Variants in CACNB2 observed in about 807,000 individuals in gnomAD.
CACNB2 encodes the protein voltage-dependent L-type calcium channel subunit beta-2.
CACNB2 carries 42 observed loss-of-function variants against 73.3 expected under a neutral mutation model. The observed-to-expected ratio is 0.57, with a 90% confidence interval of 0.45 to 0.74. The LOEUF (loss-of-function observed/expected upper bound fraction) is 0.74. CACNB2 is among the 30% of genes least tolerant of loss of function. CACNB2 has a pLI of 0.00. For synonymous variants in CACNB2, 348 were observed against 310.3 expected, an observed-to-expected ratio of 1.12 and a Z score of -1.28; for missense variants, 940 against 853.0, an observed-to-expected ratio of 1.10 and a Z score of -1.27.
chr10:18,528,230 G>C (rs2052666483), intron 10 of CACNB2, among the ~76,000 whole-genome samples: 1 of 152,076 alleles, frequency 6.6e-6, no homozygotes, highest in Non-Finnish European at 1.5e-5. Context: ...TCAATTCCTG[G>C]CTATATTTAT....
chr10:18,485,404 A>G (rs1246774081), intron 3 of CACNB2, among the ~76,000 whole-genome samples: 2 of 152,112 alleles, frequency 1.3e-5, no homozygotes, highest in Admixed American at 6.5e-5. Flanking sequence ...TGCTTCCTAT[A>G]TAAGACTTGA....
At chr10:18,316,448 CT>C (rs201701984) in intron 2 of CACNB2, among the ~76,000 whole-genome samples, 11 of 135,370 alleles carry the variant, frequency 8.1e-5, no homozygotes, top group African/African-American at 3.0e-4. Flanking sequence ...AAAGGTCTTT[CT>C]TTTTTTCTTC....
chr10:18,378,728 G>A (rs111289622), intron 2 of CACNB2, among the ~76,000 whole-genome samples: 4,543 of 152,158 alleles, frequency 0.03, 93 homozygotes, highest in African/African-American at 0.048. Context: ...TCCAGTCTGG[G>A]GAAACCCTGT....
At chr10:18,172,730 A>C (rs1473978733) in intron 2 of CACNB2, among the ~76,000 whole-genome samples, 1 of 151,980 alleles carries the variant, frequency 6.6e-6, no homozygotes, top group African/African-American at 2.4e-5. Context: ...TGGTGTAGCT[A>C]ATGGACAAGT....
At chr10:18,259,325 G>A (rs1395535561) in intron 2 of CACNB2, among the ~76,000 whole-genome samples, 1 of 151,888 alleles carries the variant, frequency 6.6e-6, no homozygotes, top group Non-Finnish European at 1.5e-5. Flanking sequence ...TAGCACTTTG[G>A]GAGGCTGGGG....
chr10:18,192,779 T>A (rs1052891163), intron 2 of CACNB2, among the ~76,000 whole-genome samples: 12 of 151,902 alleles, frequency 7.9e-5, no homozygotes, highest in African/African-American at 2.9e-4. Context: ...TGTAGCGTAA[T>A]TTTTTAAAGG....
intron 2 of CACNB2, among the ~76,000 whole-genome samples, chr10:18,281,708 G>A (rs948634020): frequency 2.0e-5 from 3 of 152,126 alleles, no homozygotes; most frequent in African/African-American, 7.2e-5. Context: ...AGGAGGAAAC[G>A]CCAAAATAAA....
Position 18,539,699 on chromosome 10 carries a change from A to G in CACNB2, c.1958A>G (p.Asn653Ser). The change falls in exon 14 of 14, where the codon AAC becomes AGC. Residue 653 changes from asparagine (N) to serine (S), a missense_variant. Transcript: ENST00000324631. ...SKKRNEAGEW[N>S]RDVYIRQ ...AAACGGAATGAGGCTGGGGAGTGGAACAGGGATGTTTACATCCGCCAATGA... is the reference window on the plus strand; with the variant it reads ...AAACGGAATGAGGCTGGGGAGTGGAGCAGGGATGTTTACATCCGCCAATGA... 1 of 1,612,356 alleles carries G rather than the reference A, an allele frequency of 6.2e-7. No individual in the cohort carries two copies. The highest frequency in any genetic ancestry group is 8.5e-7 in the Non-Finnish European group (1 of 1,179,624).
At chr10:18,244,902 T>C (rs189125233) in intron 2 of CACNB2, among the ~76,000 whole-genome samples, 1 of 152,150 alleles carries the variant, frequency 6.6e-6, no homozygotes, top group African/African-American at 2.4e-5. Flanking sequence ...AAGAGACAGA[T>C]AGGAAAGTTG....
chr10:18,446,531 C>A (rs74121226), intron 3 of CACNB2, among the ~76,000 whole-genome samples: 4,477 of 152,120 alleles, frequency 0.029, 244 homozygotes, highest in African/African-American at 0.1. Context: ...TAACTGGAGA[C>A]AAGAGAGGAG....
At chr10:18,535,561 A>T (rs1268686386) in intron 11 of CACNB2, among the ~76,000 whole-genome samples, 2 of 152,098 alleles carry the variant, frequency 1.3e-5, no homozygotes, top group African/African-American at 4.8e-5. Flanking sequence ...TCATGAGGTC[A>T]GGAGATCGAG....
At chr10:18,313,878 G>A (rs749466682) in intron 2 of CACNB2, among the ~76,000 whole-genome samples, 3 of 152,094 alleles carry the variant, frequency 2.0e-5, no homozygotes, top group Non-Finnish European at 4.4e-5. Flanking sequence ...TTCTATTTCT[G>A]GTTACTACAA....
chr10:18,491,549 C>T (rs1280956493), intron 3 of CACNB2, among the ~76,000 whole-genome samples: 1 of 152,140 alleles, frequency 6.6e-6, no homozygotes, highest in Non-Finnish European at 1.5e-5. Context: ...GATTGCACCA[C>T]TTCGTTCCAG....
chr10:18,479,653 T>C (rs1221015987), intron 3 of CACNB2, among the ~76,000 whole-genome samples: 2 of 151,926 alleles, frequency 1.3e-5, no homozygotes, highest in African/African-American at 4.8e-5. Flanking sequence ...GATAGTGAGG[T>C]TCTTATGAGA....
intron 2 of CACNB2, among the ~76,000 whole-genome samples, chr10:18,306,666 A>C (rs967270142): frequency 1.8e-4 from 28 of 152,194 alleles, no homozygotes; most frequent in Admixed American, 1.6e-3. Context: ...AATGTCTAAC[A>C]TGCTTTTCAG....
chr10:18,518,324 C>T lies in CACNB2; in HGVS notation c.805-12C>T, dbSNP rs746097629. 4 of 1,599,384 alleles carry T rather than the reference C, an allele frequency of 2.5e-6. No individual in the cohort carries two copies. The highest frequency in any genetic ancestry group is 1.1e-5 in the South Asian group (1 of 90,804). On this transcript the variant is annotated splice_polypyrimidine_tract_variant and intron_variant, in intron 7 of 13. Transcript: ENST00000324631. ...CCTGTGAAACGTCTAAAAGCCTCTC[C>T]TCTCTCTGCAGACAGAGCACACTCC...
intron 2 of CACNB2, among the ~76,000 whole-genome samples, chr10:18,383,323 T>C (rs2043093358): frequency 1.3e-5 from 2 of 152,190 alleles, no homozygotes; most frequent in South Asian, 4.1e-4. Flanking sequence ...ATCTGCTGTA[T>C]GTCTGAAGAT....
At chr10:18,384,507 C>A (rs1009059348) in intron 2 of CACNB2, among the ~76,000 whole-genome samples, 30 of 151,968 alleles carry the variant, frequency 2.0e-4, no homozygotes, top group African/African-American at 7.3e-4. Context: ...GGGTAGATCG[C>A]TTGAGCTCAG....
intron 2 of CACNB2, among the ~76,000 whole-genome samples, chr10:18,208,743 T>C (rs2035199545): frequency 7.1e-6 from 1 of 140,148 alleles, no homozygotes; most frequent in Non-Finnish European, 1.6e-5. Context: ...TGAAGTCCTT[T>C]TCTGTAGTCA....
Sources: allele counts gnomAD v4.1 joint callset (sites outside exome capture counted in the v4.1 genomes callset), GRCh38; gene constraint gnomAD v4.1.1; transcripts MANE v1.5; gene names NCBI Gene and HGNC (gene_info 2026-07-23, HGNC 2026-07-21).